Variants in FRMD4A observed in about 807,000 individuals in gnomAD.
FRMD4A encodes FERM domain containing 4A.
FRMD4A carries 29 observed loss-of-function variants against 129.1 expected under a neutral mutation model. That is an observed-to-expected ratio of 0.22 (90% CI 0.17 to 0.31). FRMD4A has a LOEUF of 0.31. Among genes scored for constraint, FRMD4A ranks in the 10% least tolerant of loss-of-function variants. The probability of loss-of-function intolerance (pLI) is 1.00; values close to 1 mark genes in which losing one functional copy is unlikely to be tolerated. For synonymous variants in FRMD4A, 634 were observed against 571.6 expected (o/e 1.11, Z -1.56); for missense variants, 1,272 against 1,375.8 (o/e 0.92, Z 1.19).
chr10:14,062,376 G>A (rs1434981826), intron 2 of FRMD4A, among the ~76,000 whole-genome samples: 2 of 152,192 alleles, frequency 1.3e-5, no homozygotes, highest in Non-Finnish European at 2.9e-5. Flanking sequence ...AGTTGGGAGT[G>A]GGGTGGGATT....
chr10:14,055,459 ACAAAC>A (rs1834473447), intron 2 of FRMD4A, among the ~76,000 whole-genome samples: 189 of 111,460 alleles, frequency 1.7e-3, no homozygotes, highest in African/African-American at 4.8e-3. Flanking sequence ...ACACACACAC[ACAAAC>A]ACACACACAC....
chr10:14,232,189 C>T (rs1262303359), intron 2 of FRMD4A, among the ~76,000 whole-genome samples: 2 of 152,212 alleles, frequency 1.3e-5, no homozygotes, highest in Non-Finnish European at 2.9e-5. Context: ...AATAGGGAAT[C>T]CTTTTCCCAT....
At chr10:14,096,627 G>T (rs1232030907) in intron 2 of FRMD4A, among the ~76,000 whole-genome samples, 1 of 152,166 alleles carries the variant, frequency 6.6e-6, no homozygotes, top group African/African-American at 2.4e-5. Context: ...CCTAAAGAGG[G>T]AAAGGTTGAA....
intron 14 of FRMD4A, among the ~76,000 whole-genome samples, chr10:13,695,376 G>C (rs1352631068): frequency 1.3e-5 from 2 of 152,120 alleles, no homozygotes; most frequent in African/African-American, 2.4e-5. Flanking sequence ...CCTGACCTCA[G>C]GTGATCCGCC....
In FRMD4A at chr10:13,656,644, G is replaced by A; in HGVS notation, c.2945C>T (p.Ala982Val). 1 of 1,452,130 alleles carries A rather than the reference G, an allele frequency of 6.9e-7. No individual in the cohort carries two copies. Among genetic ancestry groups the A allele is most frequent in the Non-Finnish European group, 9.1e-7 (1 of 1,093,496 alleles). The allele number at this position is 1,452,130 out of a possible 1,614,324, so 90.0% of individuals were successfully genotyped here. Residue 982 changes from alanine to valine, a missense_variant, in exon 22 of 25, where the codon GCC becomes GTC. By Grantham distance (64) the Ala-to-Val change is moderately conservative. Around this residue, in one of 2 missense-constraint regions of FRMD4A, gnomAD observed 972 missense variants for 892.3 expected, o/e 1.09. Coordinates refer to ENST00000357447, the MANE Select transcript of FRMD4A (RefSeq NM_018027.5). Reference sequence around the variant, plus strand: ...TGGCCGCCCCCTCTCACCTGACGTGGCCTTGCACATCTGGGGCATCCTGGT... The same window carrying A: ...TGGCCGCCCCCTCTCACCTGACGTGACCTTGCACATCTGGGGCATCCTGGT... ...RVTRMPQMCK[A>V]TSAALPQSQR...
intron 2 of FRMD4A, among the ~76,000 whole-genome samples, chr10:14,088,779 C>A (rs1836452976): frequency 2.2e-5 from 2 of 90,540 alleles, no homozygotes; most frequent in East Asian, 4.1e-4. Context: ...GAGCAAGACT[C>A]TGTCTCAAAA....
intron 12 of FRMD4A, among the ~76,000 whole-genome samples, chr10:13,734,133 C>T (rs957897364): frequency 1.3e-4 from 20 of 152,146 alleles, no homozygotes. Flanking sequence ...AGTCATTCTG[C>T]ATTGCCCTCC....
At chr10:14,243,821 T>C (rs983846325) in intron 2 of FRMD4A, among the ~76,000 whole-genome samples, 3 of 103,042 alleles carry the variant, frequency 2.9e-5, no homozygotes, top group Non-Finnish European at 6.1e-5. Flanking sequence ...TATGTATATA[T>C]TACCACAATT....
intron 2 of FRMD4A, among the ~76,000 whole-genome samples, chr10:14,148,925 T>C (rs1229415999): frequency 6.6e-6 from 1 of 152,182 alleles, no homozygotes; most frequent in African/African-American, 2.4e-5. Flanking sequence ...TTTTACTTCC[T>C]GCATACATAC....
At chr10:14,190,881 C>T (rs888299960) in intron 2 of FRMD4A, among the ~76,000 whole-genome samples, 4 of 152,092 alleles carry the variant, frequency 2.6e-5, no homozygotes, top group Non-Finnish European at 5.9e-5. Context: ...CTTGGGCATG[C>T]GCAGTTATCT....
At chr10:13,764,372 G>A (rs565385150) in intron 6 of FRMD4A, among the ~76,000 whole-genome samples, 1 of 152,156 alleles carries the variant, frequency 6.6e-6, no homozygotes, top group African/African-American at 2.4e-5. Context: ...TGGAGTGGTG[G>A]TGTATGCCTG....
At chr10:14,082,063 T>C (rs1985516) in intron 2 of FRMD4A, among the ~76,000 whole-genome samples, 91,904 of 151,976 alleles carry the variant, frequency 0.6, 29,973 homozygotes, top group African/African-American at 0.85. Context: ...CTGGCTAACA[T>C]GGTGAAACCC....
chr10:13,910,558 C>T (rs922312356), intron 2 of FRMD4A, among the ~76,000 whole-genome samples: 1 of 152,218 alleles, frequency 6.6e-6, no homozygotes, highest in Non-Finnish European at 1.5e-5. Flanking sequence ...AACTGGGACA[C>T]AGGCTAACTT....
rs554954458 is a variant in FRMD4A at position 14,034,796 on chromosome 10, C to T, written c.46-175884G>A. On this transcript the variant is annotated intron_variant, in intron 2 of 24. Transcript: ENST00000357447. ...CAGGTTCATGCATCTTCACACAGGCCGTCCCTAGAAGAGAAAAGGATGCCT... is the reference window on the plus strand; with the variant it reads ...CAGGTTCATGCATCTTCACACAGGCTGTCCCTAGAAGAGAAAAGGATGCCT... Among the ~76,000 whole-genome samples the T allele has an allele frequency of 3.9e-5, 6 of 152,242 alleles. No homozygotes were observed. The South Asian group carries it at 1.0e-3, about 26-fold the overall frequency.
chr10:14,167,781 G>C (rs982455830), intron 2 of FRMD4A, among the ~76,000 whole-genome samples: 1 of 152,088 alleles, frequency 6.6e-6, no homozygotes, highest in Non-Finnish European at 1.5e-5. Flanking sequence ...AGTCAGCAGG[G>C]TAGACAGACA....
chr10:14,161,837 G>C (rs1840901649), intron 2 of FRMD4A, among the ~76,000 whole-genome samples: 1 of 152,120 alleles, frequency 6.6e-6, no homozygotes, highest in African/African-American at 2.4e-5. Context: ...AATGATAAAT[G>C]TTCAAGGTGA....
chr10:14,281,718 C>G lies in FRMD4A; in HGVS notation c.45+48340G>C, dbSNP rs1845525505. Among the ~76,000 whole-genome samples the G allele has an allele frequency of 2.0e-5, 3 of 152,202 alleles. 1 individual carries two copies. The East Asian group carries it at 5.8e-4, about 29-fold the overall frequency. On this transcript the variant is annotated intron_variant, in intron 2 of 24. Transcript: ENST00000357447. Reference sequence around the variant, plus strand: ...TCTCTCCCAGCTGAAACTCCATACCCATTAAACATTACCTCCCCATTTTAA... The same window carrying G: ...TCTCTCCCAGCTGAAACTCCATACCGATTAAACATTACCTCCCCATTTTAA...
At chr10:13,926,518 A>G (rs565869088) in intron 2 of FRMD4A, among the ~76,000 whole-genome samples, 1 of 152,348 alleles carries the variant, frequency 6.6e-6, no homozygotes, top group East Asian at 1.9e-4. Context: ...CCAAAGGCAA[A>G]GATAAGAAGC....
chr10:13,964,615 T>C (rs1588589210), intron 2 of FRMD4A, among the ~76,000 whole-genome samples: 1 of 152,106 alleles, frequency 6.6e-6, no homozygotes, highest in African/African-American at 2.4e-5. Flanking sequence ...CATGCATTCA[T>C]TGCTTACAAA....
Sources: gnomAD v4.1 joint callset for allele counts (sites outside exome capture counted in the v4.1 genomes callset) on GRCh38, gnomAD v4.1.1 for gene constraint, gnomAD v4.1.1 regional missense constraint, MANE v1.5 for transcripts, NCBI Gene and HGNC (gene_info 2026-07-23, HGNC 2026-07-21) for gene names.